TUT1: variants seen among roughly 807,000 people sequenced by gnomAD.
The protein encoded by TUT1 is speckle targeted PIP5K1A-regulated poly(A) polymerase.
In TUT1, 26 loss-of-function variants were observed where a neutral mutation model predicts 48.8. That is an observed-to-expected ratio of 0.53 (90% confidence interval 0.39 to 0.74). The LOEUF is 0.74. Among genes scored for constraint, TUT1 ranks in the 30% least tolerant of loss-of-function variants. TUT1 has a pLI of 0.00. For missense variants in TUT1, 1,065 were observed against 1,114.8 expected (o/e 0.96, Z 0.64); for synonymous variants, 470 against 460.8 (o/e 1.02, Z -0.26).
Position 62,581,546 on chromosome 11 carries a change from G to A in TUT1, c.429C>T (p.Ala143=), listed in dbSNP as rs1216615003. The change falls in exon 3 of 9, where the codon GCC becomes GCT. Residue 143 remains alanine, a synonymous_variant. Transcript: ENST00000476907. Reference sequence around the variant, plus strand: ...CTTTGGCCAGCTGGTGACTGTCGGGGGCCGCTCCTTTGGGGGATTTGGAGG... The same window carrying A: ...CTTTGGCCAGCTGGTGACTGTCGGGAGCCGCTCCTTTGGGGGATTTGGAGG... ...SPASKSPKGA[A]PDSHQLAKAL... The A allele has an allele frequency of 6.2e-7, 1 of 1,613,558 alleles. No homozygotes were observed. Among genetic ancestry groups the A allele is most frequent in the African/African-American group, 1.3e-5 (1 of 74,902 alleles).
rs374483612 is a variant in TUT1, at chr11:62,578,712, C to G, written c.1009G>C (p.Gly337Arg). 6.2e-7 allele frequency: 1 copy of G among 1,614,200 alleles called. No homozygotes were observed. Among genetic ancestry groups the G allele is most frequent in the Non-Finnish European group, 8.5e-7 (1 of 1,180,048 alleles). ...AETPKEEKAE[G>R]AAMLELVGSI... ...CCCACCAGCTCCAGCATTGCTGCCC[C>G]CTCTGCTTTCTCCTCCTTTGGGGTC... The change falls in exon 5 of 9, where the codon GGG (glycine) becomes CGG (arginine). Residue 337 changes from glycine (G) to arginine (R), a missense_variant. Physicochemically the swap from Gly to Arg is moderately radical, Grantham distance 125. Coordinates refer to ENST00000476907, the MANE Select transcript of TUT1 (RefSeq NM_022830.3).
At chr11:62,586,840 G>C (rs974793382) in intron 2 of TUT1, among the ~76,000 whole-genome samples, 3 of 150,722 alleles carry the variant, frequency 2.0e-5, no homozygotes, top group African/African-American at 2.4e-5. Flanking sequence ...TGCTTGCTGG[G>C]ATTACAGGCG....
Position 62,577,034 on chromosome 11 carries a change from T to C in TUT1, c.1271-17A>G, listed in dbSNP as rs749807040. 2 of 1,611,650 alleles carry C rather than the reference T, an allele frequency of 1.2e-6. No individual in the cohort carries two copies. The highest frequency in any genetic ancestry group is 1.7e-5 in the Admixed American group (1 of 59,986). ...GGCCACTCCCTGGGTAAATAAGCAATAATTCCGGTTAGATCAGAGGTGCTT... is the reference window on the plus strand; with the variant it reads ...GGCCACTCCCTGGGTAAATAAGCAACAATTCCGGTTAGATCAGAGGTGCTT... On this transcript the variant is annotated splice_polypyrimidine_tract_variant and intron_variant, in intron 6 of 8. Coordinates refer to ENST00000476907, the MANE Select transcript of TUT1 (RefSeq NM_022830.3).
chr11:62,576,297 A>T, intron 8 of TUT1, 53 bp from the exon 9 acceptor site: 1 of 1,468,054 alleles, frequency 6.8e-7, no homozygotes. Context: ...GCCAGAACTG[A>T]TACAGGTCCT....
chr11:62,586,854 G>GCA (rs1941924454), intron 2 of TUT1, among the ~76,000 whole-genome samples: 2 of 149,738 alleles, frequency 1.3e-5, no homozygotes, highest in Admixed American at 1.3e-4. Flanking sequence ...ACAGGCGCCT[G>GCA]CCACCACACC....
intron 2 of TUT1, among the ~76,000 whole-genome samples, chr11:62,583,128 C>CAAAAA (rs777695327): frequency 6.8e-5 from 4 of 58,538 alleles, no homozygotes; most frequent in African/African-American, 5.3e-5. Flanking sequence ...ACTCTGTCTC[C>CAAAAA]AAAAAAAAAA....
chr11:62,585,280 G>A (rs75825693), intron 2 of TUT1, among the ~76,000 whole-genome samples: 3,231 of 152,150 alleles, frequency 0.021, 67 homozygotes, highest in African/African-American at 0.053. Context: ...ATCACCATGC[G>A]CAGACTTACT....
At chr11:62,586,129 A>G (rs117653194) in intron 2 of TUT1, among the ~76,000 whole-genome samples, 5,170 of 152,294 alleles carry the variant, frequency 0.034, 126 homozygotes, top group Middle Eastern at 0.1. Context: ...AAATAAATAA[A>G]TAAATAAAAA....
chr11:62,578,742 C>A lies in TUT1; in HGVS notation c.979G>T (p.Ala327Ser). 1 of 1,614,202 alleles carries A rather than the reference C, an allele frequency of 6.2e-7. No homozygotes were observed. Among genetic ancestry groups the A allele is most frequent in the South Asian group, 1.1e-5 (1 of 91,084 alleles). Residue 327 changes from alanine (A) to serine (S), a missense_variant, in exon 5 of 9, where the codon GCA (alanine) becomes TCA (serine). Transcript: ENST00000476907. The part of the protein sequence containing the change: ...EGDLGKASEL[A>S]ETPKEEKAEG... ...GCTTTCTCCTCCTTTGGGGTCTCTG[C>A]TAGTTCCGAGGCCTTCCCCAGGTCC...
intron 1 of TUT1, 26 bp downstream of exon 1, chr11:62,591,378 C>T (rs1367686785): frequency 1.3e-6 from 2 of 1,535,478 alleles, no homozygotes; most frequent in East Asian, 2.4e-5. Flanking sequence ...CAACCACCCC[C>T]GGGTCCCTCA....
chr11:62,583,418 T>C (rs1941862976), intron 2 of TUT1, among the ~76,000 whole-genome samples: 1 of 152,080 alleles, frequency 6.6e-6, no homozygotes, highest in Non-Finnish European at 1.5e-5. Flanking sequence ...AAAACCAGCC[T>C]GACCAACATG....
intron 5 of TUT1, among the ~76,000 whole-genome samples, chr11:62,577,856 G>A (rs1277625011): frequency 6.6e-6 from 1 of 151,990 alleles, no homozygotes; most frequent in Non-Finnish European, 1.5e-5. Flanking sequence ...GAGGTCAGGA[G>A]TTCGAGATCA....
chr11:62,586,047 A>G (rs1167963138), intron 2 of TUT1, among the ~76,000 whole-genome samples: 2 of 151,974 alleles, frequency 1.3e-5, no homozygotes, highest in Non-Finnish European at 2.9e-5. Context: ...GTTTGCGGTG[A>G]GCTGAGATCG....
intron 5 of TUT1, among the ~76,000 whole-genome samples, chr11:62,578,352 C>A (rs562259715): frequency 6.6e-6 from 1 of 152,152 alleles, no homozygotes; most frequent in East Asian, 1.9e-4. Context: ...TCAAGACCAG[C>A]CTGACCAACA....
rs1259035699 is a variant in TUT1, at chr11:62,576,893, G to T, written c.1381+14C>A. ...AACTAACAAGATGGAGAGGGTGGAG[G>T]CTAGGCCGAGTACCTGCTTTCTGGG... On this transcript the variant is annotated intron_variant, in intron 7 of 8. Transcript: ENST00000476907. 4 of 1,611,914 alleles carry T rather than the reference G, an allele frequency of 2.5e-6. No homozygotes were observed. The highest frequency in any genetic ancestry group is 1.7e-5 in the Admixed American group (1 of 59,992).
intron 5 of TUT1, 34 bp downstream of exon 5, chr11:62,578,527 G>A (rs778696203): frequency 1.2e-5 from 18 of 1,541,700 alleles, no homozygotes; most frequent in South Asian, 3.8e-5. Flanking sequence ...CCTGGGCAAC[G>A]AGTGAAATGT....
Position 62,577,206 on chromosome 11 carries a change from A to G in TUT1, c.1246T>C (p.Trp416Arg), listed in dbSNP as rs1448183905. 1 of 1,609,928 alleles carries G rather than the reference A, an allele frequency of 6.2e-7. No individual in the cohort carries two copies. Among genetic ancestry groups the G allele is most frequent in the African/African-American group, 1.3e-5 (1 of 74,700 alleles). Residue 416 changes from tryptophan to arginine, a missense_variant, in exon 6 of 9, where the codon TGG (tryptophan) becomes CGG (arginine). Trp to Arg is a moderately radical substitution (Grantham distance 101). Transcript: ENST00000476907. The stretch of plus-strand genomic sequence containing the variant: ...CCTGACAGCCCCCGACCCTGAGCCC[A>G]GCAGCGGAGGGTGTACACGAGGGGC... ...VRPLVYTLRC[W>R]AQGRGLSGSG...
Position 62,575,339 on chromosome 11 carries a change from C to T in TUT1, c.2380G>A (p.Gly794Arg), listed in dbSNP as rs749284411. Residue 794 changes from glycine to arginine, a missense_variant, in exon 9 of 9, where the codon GGA (glycine) becomes AGA (arginine). Coordinates refer to ENST00000476907, the MANE Select transcript of TUT1 (RefSeq NM_022830.3). ...CCTGCTCTTGTGCCAGCGCCACCTCCAGCTCCCTCCTTGGTTTGCTGCTGC... is the reference window on the plus strand; with the variant it reads ...CCTGCTCTTGTGCCAGCGCCACCTCTAGCTCCCTCCTTGGTTTGCTGCTGC... The part of the protein sequence containing the change: ...RLQQQTKEGA[G>R]GGAGTRAGWL... The T allele has an allele frequency of 1.9e-6, 3 of 1,614,098 alleles. No homozygotes were observed. The Admixed American group carries it at 5.0e-5, about 27-fold the overall frequency.
Position 62,581,167 on chromosome 11 carries a change from A to C in TUT1, c.629T>G (p.Phe210Cys). Residue 210 changes from phenylalanine to cysteine, a missense_variant, in exon 4 of 9, where the codon TTC (phenylalanine) becomes TGC (cysteine). Transcript: ENST00000476907. ...VHPFGSSINS[F>C]DVHGCDLDLF... is the part of the protein sequence containing the mutation. ...GTCAAGATCACAGCCATGGACATCG[A>C]AGCTATTTATGGAAGAGCCAAAAGG... The C allele has an allele frequency of 6.2e-7, 1 of 1,614,190 alleles. No homozygotes were observed. Among genetic ancestry groups the C allele is most frequent in the Non-Finnish European group, 8.5e-7 (1 of 1,180,038 alleles).
Sources: gnomAD v4.1 joint callset for allele counts (sites outside exome capture counted in the v4.1 genomes callset) on GRCh38, gnomAD v4.1.1 for gene constraint, MANE v1.5 for transcripts, NCBI Gene and HGNC (gene_info 2026-07-23, HGNC 2026-07-21) for gene names.